Variants in DAB1 observed in about 807,000 individuals in gnomAD.
The protein encoded by DAB1 is DAB adaptor protein 1.
DAB1 carries 15 observed loss-of-function variants against 64.6 expected under a neutral mutation model. That is an observed-to-expected ratio of 0.23 (90% CI 0.16 to 0.36). DAB1 has a LOEUF of 0.36. DAB1 is among the 10% of genes least tolerant of loss of function. The probability of loss-of-function intolerance (pLI) is 1.00; values close to 1 mark genes in which losing one functional copy is unlikely to be tolerated. For synonymous variants in DAB1, 235 were observed against 251.9 expected, an observed-to-expected ratio of 0.93 and a Z score of 0.64; for missense variants, 596 against 706.7, an observed-to-expected ratio of 0.84 and a Z score of 1.78.
At chr1:57,695,710 A>T (rs3126016) in intron 6 of DAB1, among the ~76,000 whole-genome samples, 1 of 151,934 alleles carries the variant, frequency 6.6e-6, no homozygotes, top group Non-Finnish European at 1.5e-5. Context: ...ACCAGCCTGA[A>T]CAACATAGTG....
At chr1:58,246,629 T>C (rs1660547187) in intron 4 of DAB1, among the ~76,000 whole-genome samples, 1 of 152,018 alleles carries the variant, frequency 6.6e-6, no homozygotes, top group South Asian at 2.1e-4. Flanking sequence ...TGGGTAGGTG[T>C]GCATGTGTGA....
chr1:57,009,084 C>A (rs758278688), intron 14 of DAB1, among the ~76,000 whole-genome samples: 16 of 152,160 alleles, frequency 1.1e-4, no homozygotes, highest in Non-Finnish European at 2.2e-4. Flanking sequence ...TGGTGTAAGT[C>A]ATCTTTGTTT....
chr1:58,340,620 G>A (rs1255258960), intron 4 of DAB1, among the ~76,000 whole-genome samples: 1 of 152,150 alleles, frequency 6.6e-6, no homozygotes, highest in Non-Finnish European at 1.5e-5. Context: ...ACAAATGTGA[G>A]GCTTCTCAAC....
At chr1:57,948,993 A>G (rs1645225375) in intron 5 of DAB1, among the ~76,000 whole-genome samples, 1 of 152,214 alleles carries the variant, frequency 6.6e-6, no homozygotes, top group African/African-American at 2.4e-5. Context: ...TGTTATGAAC[A>G]TCCATGCACT....
At chr1:58,212,316 T>C (rs529262972) in intron 4 of DAB1, among the ~76,000 whole-genome samples, 3 of 152,306 alleles carry the variant, frequency 2.0e-5, no homozygotes, top group Non-Finnish European at 2.9e-5. Flanking sequence ...GATCCTGTGA[T>C]GTAGGCATGA....
At chr1:57,114,897 GT>G (rs1200036401) in intron 4 of DAB1, among the ~76,000 whole-genome samples, 2 of 152,094 alleles carry the variant, frequency 1.3e-5, no homozygotes, top group Non-Finnish European at 2.9e-5. Flanking sequence ...TCATCACCAT[GT>G]TGCTTAACTT....
At chr1:57,747,595 G>T (rs1648337466) in intron 6 of DAB1, among the ~76,000 whole-genome samples, 1 of 151,854 alleles carries the variant, frequency 6.6e-6, no homozygotes, top group Non-Finnish European at 1.5e-5. Flanking sequence ...GGATCACAAG[G>T]TCAGGAGATC....
intron 5 of DAB1, among the ~76,000 whole-genome samples, chr1:57,984,251 AGAAAGAAAG>A (rs1646151951): frequency 2.7e-5 from 4 of 148,242 alleles, no homozygotes; most frequent in Admixed American, 6.6e-5. Context: ...AAAGAAAGAA[AGAAAGAAAG>A]AAAAAAAATT....
At chr1:57,035,128 T>C (rs1647098819) in intron 9 of DAB1, among the ~76,000 whole-genome samples, 1 of 152,156 alleles carries the variant, frequency 6.6e-6, no homozygotes, top group Non-Finnish European at 1.5e-5. Flanking sequence ...GAGACAATAT[T>C]AGTCTAAGTG....
intron 7 of DAB1, among the ~76,000 whole-genome samples, chr1:57,560,929 C>G (rs1645043210): frequency 6.6e-6 from 1 of 152,142 alleles, no homozygotes; most frequent in African/African-American, 2.4e-5. Flanking sequence ...TACGGGACAT[C>G]AAATTACCAT....
intron 9 of DAB1, among the ~76,000 whole-genome samples, chr1:57,049,743 C>T (rs1648983645): frequency 6.6e-6 from 1 of 152,186 alleles, no homozygotes; most frequent in African/African-American, 2.4e-5. Flanking sequence ...TCTTGCCCTT[C>T]CTCTAGTTTG....
intron 7 of DAB1, among the ~76,000 whole-genome samples, chr1:57,531,859 G>C (rs1182430793): frequency 6.6e-6 from 1 of 152,118 alleles, no homozygotes; most frequent in Non-Finnish European, 1.5e-5. Context: ...ACTAAATATG[G>C]AGCTGGGAAG....
At chr1:57,802,184 A>T (rs1651159159) in intron 6 of DAB1, among the ~76,000 whole-genome samples, 2 of 152,248 alleles carry the variant, frequency 1.3e-5, no homozygotes, top group African/African-American at 4.8e-5. Context: ...CAACTTTGAG[A>T]ACAACTTTCT....
intron 7 of DAB1, among the ~76,000 whole-genome samples, chr1:57,487,819 T>C (rs970139463): frequency 6.6e-6 from 1 of 152,212 alleles, no homozygotes; most frequent in Non-Finnish European, 1.5e-5. Context: ...ATGGGACGCA[T>C]GACTGTATAG....
intron 5 of DAB1, among the ~76,000 whole-genome samples, chr1:57,898,330 T>G (rs996981810): frequency 6.6e-6 from 1 of 152,226 alleles, no homozygotes; most frequent in African/African-American, 2.4e-5. Context: ...TTTTTCCATA[T>G]TTCTTTACAT....
At chr1:57,204,009 C>T (rs1569878091) in intron 2 of DAB1, among the ~76,000 whole-genome samples, 1 of 152,110 alleles carries the variant, frequency 6.6e-6, no homozygotes, top group Non-Finnish European at 1.5e-5. Flanking sequence ...CCTGCCTCAG[C>T]CTCCCATGTA....
intron 5 of DAB1, among the ~76,000 whole-genome samples, chr1:58,092,971 G>A (rs997846911): frequency 6.6e-6 from 1 of 152,130 alleles, no homozygotes; most frequent in Non-Finnish European, 1.5e-5. Flanking sequence ...ATTACATATT[G>A]TCTCTATTTA....
intron 2 of DAB1, among the ~76,000 whole-genome samples, chr1:57,215,229 A>G (rs996898359): frequency 6.6e-6 from 1 of 152,164 alleles, no homozygotes; most frequent in African/African-American, 2.4e-5. Flanking sequence ...GTTTGATGTG[A>G]AAAGTGTTGG....
At chr1:57,126,749 G>A (rs1044918002) in intron 4 of DAB1, among the ~76,000 whole-genome samples, 4 of 152,164 alleles carry the variant, frequency 2.6e-5, no homozygotes, top group Non-Finnish European at 5.9e-5. Flanking sequence ...GCCTGCTAAT[G>A]GCAAATCTAG....
Sources: gnomAD v4.1 joint callset for allele counts (sites outside exome capture counted in the v4.1 genomes callset) on GRCh38, gnomAD v4.1.1 for gene constraint, MANE v1.5 for transcripts, NCBI Gene and HGNC (gene_info 2026-07-23, HGNC 2026-07-21) for gene names.